The following ANKFN1 variants were observed in gnomAD, a reference collection of about 807,000 sequenced individuals.
The protein encoded by ANKFN1 is ankyrin repeat and fibronectin type-III domain-containing protein 1.
ANKFN1 carries 74 observed loss-of-function variants against 108.7 expected under a neutral mutation model. The ratio of observed to expected loss-of-function variants is 0.68; its 90% confidence interval spans 0.56 to 0.83. The LOEUF (loss-of-function observed/expected upper bound fraction) is 0.83, where lower values mean the gene tolerates loss of function less well. Among genes scored for constraint, ANKFN1 ranks in the 40% least tolerant of loss-of-function variants. The pLI is 0.00. For synonymous variants in ANKFN1, 547 were observed against 516.2 expected (o/e 1.06, Z -0.81); for missense variants, 1,505 against 1,382.3 (o/e 1.09, Z -1.41).
chr17:56,490,095 A>C (rs1008321333), intron 18 of ANKFN1, among the ~76,000 whole-genome samples: 1 of 152,226 alleles, frequency 6.6e-6, no homozygotes, highest in African/African-American at 2.4e-5. Context: ...GAGAAGCTAC[A>C]ATGTTCCATG....
intron 9 of ANKFN1, among the ~76,000 whole-genome samples, chr17:56,441,541 A>T (rs571461811): frequency 2.8e-4 from 42 of 152,348 alleles, no homozygotes; most frequent in East Asian, 2.7e-3. Flanking sequence ...AGATGCTATC[A>T]GTAGAAGACT....
rs372572499 is a variant in ANKFN1, at chr17:56,482,369, G to A, written c.2105G>A (p.Arg702His). Residue 702 changes from arginine (R) to histidine (H), a missense_variant, in exon 18 of 21, where the codon CGC becomes CAC. By Grantham distance (29) the Arg-to-His change is conservative. Transcript: ENST00000682825. ...NIPLHQARNF[R>H]LYTQEVLEMG... The stretch of plus-strand genomic sequence containing the variant: ...GTCCCTCTGCAGGCAAGGAACTTCC[G>A]CCTCTACACACAGGAGGTGTTGGAA... The A allele has an allele frequency of 1.6e-5, 26 of 1,600,866 alleles. No homozygotes were observed. In the Middle Eastern group the frequency reaches 5.0e-4, roughly 31 times the overall value.
intron 4 of ANKFN1, among the ~76,000 whole-genome samples, chr17:56,348,288 C>A (rs2046157657): frequency 6.6e-6 from 1 of 152,090 alleles, no homozygotes; most frequent in Admixed American, 6.6e-5. Flanking sequence ...TGCTTGGCAT[C>A]ATCCTTCCAA....
chr17:56,101,805 G>A (rs975205324), intron 4 of ANKFN1, among the ~76,000 whole-genome samples: 1 of 152,158 alleles, frequency 6.6e-6, no homozygotes, highest in Non-Finnish European at 1.5e-5. Flanking sequence ...CCAGTCTCTT[G>A]CATCAGAATA....
At chr17:56,229,277 A>G (rs1916523307) in intron 3 of ANKFN1, among the ~76,000 whole-genome samples, 1 of 152,106 alleles carries the variant, frequency 6.6e-6, no homozygotes, top group Non-Finnish European at 1.5e-5. Context: ...TTTTACCAAG[A>G]AAGTCACGTT....
intron 10 of ANKFN1, 71 bp from the exon 11 acceptor site, chr17:56,449,008 C>T: frequency 7.4e-7 from 1 of 1,360,334 alleles, no homozygotes; most frequent in South Asian, 1.2e-5. Context: ...AACTCCGGCT[C>T]CTGACGCAGG....
intron 2 of ANKFN1, among the ~76,000 whole-genome samples, chr17:56,217,922 A>T (rs533594663): frequency 1.3e-5 from 2 of 152,234 alleles, no homozygotes; most frequent in South Asian, 4.1e-4. Context: ...ACTTGCTAGG[A>T]TCTCAACAGT....
chr17:56,291,950 A>G (rs1032415092), intron 3 of ANKFN1, among the ~76,000 whole-genome samples: 1 of 152,202 alleles, frequency 6.6e-6, no homozygotes, highest in African/African-American at 2.4e-5. Flanking sequence ...TAATTCTCCT[A>G]AAGTTTATGA....
At chr17:56,401,272 T>C (rs2047753151) in intron 8 of ANKFN1, among the ~76,000 whole-genome samples, 1 of 152,092 alleles carries the variant, frequency 6.6e-6, no homozygotes, top group Non-Finnish European at 1.5e-5. Context: ...TTCAGCAGTG[T>C]TTTTAGTTTT....
At chr17:56,466,667 C>A in intron 15 of ANKFN1, 96 bp downstream of exon 15, 1 of 1,061,310 alleles carries the variant, frequency 9.4e-7, no homozygotes, top group Non-Finnish European at 1.4e-6. Flanking sequence ...TTTACATATG[C>A]AGTGATGGAG....
chr17:56,413,710 T>C (rs1474688397), intron 8 of ANKFN1, among the ~76,000 whole-genome samples: 7 of 152,186 alleles, frequency 4.6e-5, no homozygotes, highest in Non-Finnish European at 8.8e-5. Context: ...GTTCTGTTTA[T>C]GTGAAGAATC....
chr17:56,157,856 C>A (rs16956799), intron 1 of ANKFN1, among the ~76,000 whole-genome samples: 2 of 152,172 alleles, frequency 1.3e-5, no homozygotes, highest in African/African-American at 4.8e-5. Flanking sequence ...TTAGCTTTAC[C>A]GGTACCTGTT....
At chr17:56,453,605 G>C (rs1335482811) in intron 11 of ANKFN1, among the ~76,000 whole-genome samples, 1 of 152,084 alleles carries the variant, frequency 6.6e-6, no homozygotes, top group East Asian at 1.9e-4. Flanking sequence ...CCATATTGAG[G>C]ACTCTTCTTA....
At chr17:56,432,759 T>G (rs1296400628) in intron 8 of ANKFN1, among the ~76,000 whole-genome samples, 1 of 152,186 alleles carries the variant, frequency 6.6e-6, no homozygotes, top group African/African-American at 2.4e-5. Flanking sequence ...CTGCCCCAGA[T>G]TCCCTCACTG....
chr17:56,318,174 C>T (rs200901041), intron 3 of ANKFN1, among the ~76,000 whole-genome samples: 1 of 151,924 alleles, frequency 6.6e-6, no homozygotes, highest in Admixed American at 6.6e-5. Context: ...TTCATATAAC[C>T]AGGGCATTTT....
chr17:56,397,935 G>T (rs1414359000), intron 8 of ANKFN1, among the ~76,000 whole-genome samples: 1 of 152,106 alleles, frequency 6.6e-6, no homozygotes, highest in Non-Finnish European at 1.5e-5. Context: ...TAGAAACTTA[G>T]GTCTCCACAG....
intron 1 of ANKFN1, among the ~76,000 whole-genome samples, chr17:56,181,492 G>A (rs983037482): frequency 6.6e-6 from 1 of 152,182 alleles, no homozygotes; most frequent in African/African-American, 2.4e-5. Context: ...TTAGAAAGAT[G>A]AAGTGACTAA....
At chr17:56,368,126 T>C in intron 6 of ANKFN1, 1 of 1,266,476 alleles carries the variant, frequency 7.9e-7, no homozygotes, top group Non-Finnish European at 1.1e-6. Flanking sequence ...ACAATGAGCC[T>C]GATCACTATA....
intron 1 of ANKFN1, among the ~76,000 whole-genome samples, chr17:56,210,374 T>G (rs1656145357): frequency 6.6e-6 from 1 of 152,216 alleles, no homozygotes; most frequent in African/African-American, 2.4e-5. Context: ...ATGTGTTCCC[T>G]TTTCACCACA....
Sources: allele counts gnomAD v4.1 joint callset (sites outside exome capture counted in the v4.1 genomes callset), GRCh38; gene constraint gnomAD v4.1.1; transcripts MANE v1.5; gene names NCBI Gene and HGNC (gene_info 2026-07-23, HGNC 2026-07-21).